Variants in ATP2B1 observed in about 807,000 individuals in gnomAD.
ATP2B1 encodes ATPase plasma membrane Ca2+ transporting 1.
Under a neutral mutation model 124.2 loss-of-function variants are expected in ATP2B1, and 14 were observed. The ratio of observed to expected loss-of-function variants is 0.11; its 90% CI spans 0.07 to 0.18. The LOEUF (loss-of-function observed/expected upper bound fraction) is 0.18, where lower values mean the gene tolerates loss of function less well. Among genes scored for constraint, ATP2B1 ranks in the 10% least tolerant of loss-of-function variants. ATP2B1 has a pLI of 1.00. For synonymous variants in ATP2B1, 449 were observed against 492.4 expected (o/e 0.91, Z 1.17); for missense variants, 763 against 1,466.1 (o/e 0.52, Z 7.83).
chr12:89,664,201 G>A (rs983765878), intron 1 of ATP2B1, among the ~76,000 whole-genome samples: 2 of 152,104 alleles, frequency 1.3e-5, no homozygotes, highest in African/African-American at 4.8e-5. Flanking sequence ...ACACCCTTTA[G>A]TCTATAAAGA....
intron 4 of ATP2B1, 37 bp downstream of exon 4, chr12:89,634,960 T>C: frequency 1.2e-6 from 2 of 1,610,872 alleles, no homozygotes; most frequent in Non-Finnish European, 1.7e-6. Flanking sequence ...TAATTTTATG[T>C]TTAGTGTCAG....
chr12:89,643,854 C>A lies in ATP2B1; in HGVS notation c.209-1499G>T, dbSNP rs1444436967. On this transcript the variant is annotated intron_variant, in intron 2 of 20. Transcript: ENST00000428670. ...CCTATAATCCCAACACTTTGGGAGG[C>A]CAAGGCAGGCAGATCACCTGAGGTT... is the stretch of plus-strand genomic sequence containing the variant. 3.3e-5 allele frequency among the ~76,000 whole-genome samples: 5 copies of A among 152,140 alleles called. No homozygotes were observed. In the East Asian group the frequency reaches 9.6e-4, roughly 29 times the overall value.
At position 89,603,978 on chromosome 12, in the gene ATP2B1, A is replaced by C. The variant is rs1163895454; in HGVS notation, c.2635-53T>G. 1.9e-6 allele frequency: 3 copies of C among 1,556,540 alleles called. No homozygotes were observed. Among genetic ancestry groups the C allele is most frequent in the Non-Finnish European group, 2.6e-6 (3 of 1,142,786 alleles). The stretch of plus-strand genomic sequence containing the variant: ...ATTCACAACTACTCAGGGGCTCAGC[A>C]ATTCTCAGGAAACCTTTAGGGTTTA... On this transcript the variant is annotated intron_variant, in intron 16 of 20. Transcript: ENST00000428670. The surrounding 1 kb of genome is among the most constrained non-coding windows in gnomAD (Gnocchi z 4.3).
chr12:89,655,506 G>GT, intron 2 of ATP2B1, 173 bp downstream of exon 2: 3 of 637,316 alleles, frequency 4.7e-6, no homozygotes, highest in Non-Finnish European at 8.0e-6. Flanking sequence ...ACATTTATGT[G>GT]TTAATATAAA....
chr12:89,693,551 T>C (rs1187379213), intron 1 of ATP2B1, among the ~76,000 whole-genome samples: 1 of 152,140 alleles, frequency 6.6e-6, no homozygotes, highest in Non-Finnish European at 1.5e-5. Flanking sequence ...GCCGTTGCTT[T>C]TTAACCAAAT....
chr12:89,604,347 C>T lies in ATP2B1; in HGVS notation c.2443-1G>A. On this transcript the variant is annotated splice_acceptor_variant, in intron 15 of 20. Coordinates refer to ENST00000428670, the MANE Select transcript of ATP2B1 (RefSeq NM_001366521.1). LOFTEE classifies it high-confidence loss of function. ...TAGCTACATCAGTTCCAGCAATACC[C>T]TGTTAAAAAAAATTTTGTGAATTAG... 1 of 1,575,072 alleles carries T rather than the reference C, an allele frequency of 6.3e-7. No homozygotes were observed.
At chr12:89,675,029 G>A (rs1330849104) in intron 1 of ATP2B1, among the ~76,000 whole-genome samples, 1 of 152,118 alleles carries the variant, frequency 6.6e-6, no homozygotes, top group Non-Finnish European at 1.5e-5. Flanking sequence ...GCTCTTACAG[G>A]TATTTCAGAA....
At chr12:89,610,392 A>C in intron 14 of ATP2B1, 29 bp downstream of exon 14, 2 of 1,569,236 alleles carry the variant, frequency 1.3e-6, no homozygotes, top group Non-Finnish European at 1.8e-6. Flanking sequence ...GTATTAAGAA[A>C]TTGTGAAATA....
In ATP2B1 at chr12:89,589,957, TTCAC is replaced by T. The variant is rs1448673415; in HGVS notation, c.*1023_*1026del. 1 of 152,512 alleles carries T rather than the reference TTCAC, an allele frequency of 6.6e-6. No homozygotes were observed. The highest frequency in any genetic ancestry group is 2.4e-5 in the African/African-American group (1 of 41,428). 9.4% of individuals were successfully genotyped at this position (152,512 alleles called of 1,614,324 possible). A position where few individuals can be genotyped will look rare whatever the true frequency, so the allele number is the denominator to read the frequency against. ...CTAAAGATTAGAAAAATCAATACAG[TTCAC>T]TCACAGTTCACCAAGACATCACTAA... On this transcript the variant is annotated 3_prime_UTR_variant, in exon 21 of 21. Coordinates refer to ENST00000428670, the MANE Select transcript of ATP2B1 (RefSeq NM_001366521.1).
intron 1 of ATP2B1, among the ~76,000 whole-genome samples, chr12:89,687,628 C>G (rs187858498): frequency 2.8e-4 from 42 of 151,990 alleles, no homozygotes; most frequent in African/African-American, 1.0e-3. Context: ...GTCAAATCAC[C>G]TAGTGTCTTT....
At chr12:89,608,030 TAAAA>T (rs56394845) in intron 15 of ATP2B1, among the ~76,000 whole-genome samples, 10 of 147,892 alleles carry the variant, frequency 6.8e-5, no homozygotes, top group Non-Finnish European at 7.5e-5. Flanking sequence ...TTCTTGTAAC[TAAAA>T]AAAAAACTCT....
At position 89,662,017 on chromosome 12, in the gene ATP2B1, C is replaced by T. The variant is rs1592904544; in HGVS notation, c.-221-5910G>A. ...TCCTATAGAAGGTTTGGATAGTATA[C>T]CACATAATTGAGCCTAAATTTATGG... On this transcript the variant is annotated intron_variant, in intron 1 of 20. Coordinates refer to ENST00000428670, the MANE Select transcript of ATP2B1 (RefSeq NM_001366521.1). Among the ~76,000 whole-genome samples, 3 of 152,122 alleles carry T rather than the reference C, an allele frequency of 2.0e-5. No homozygotes were observed. The South Asian group carries it at 6.2e-4, about 32-fold the overall frequency.
chr12:89,651,620 AATTTTTTTC>A (rs1485213472), intron 2 of ATP2B1, among the ~76,000 whole-genome samples: 3 of 152,102 alleles, frequency 2.0e-5, no homozygotes. Flanking sequence ...CTTAAACCAA[AATTTTTTTC>A]ACCATGTAAT....
chr12:89,705,197 T>C (rs1892312143), intron 1 of ATP2B1, among the ~76,000 whole-genome samples: 1 of 152,176 alleles, frequency 6.6e-6, no homozygotes, highest in African/African-American at 2.4e-5. Flanking sequence ...TTTATCTTTA[T>C]GAAAATTATT....
rs371640664 is a variant in ATP2B1, at chr12:89,590,824, CT to C, written c.*159del. 40,802 of 618,498 alleles carry C rather than the reference CT, an allele frequency of 0.066. No homozygotes were observed. The highest frequency in any genetic ancestry group is 0.084 in the East Asian group (2,119 of 25,118). 38.3% of individuals were successfully genotyped at this position (618,498 alleles called of 1,614,324 possible). ...ACCCTCAGTCTGGCAGAAAGCTTTG[CT>C]TTTTTTTTTTTAAAAAAATAAATCT... On this transcript the variant is annotated 3_prime_UTR_variant, in exon 21 of 21. Coordinates refer to ENST00000428670, the MANE Select transcript of ATP2B1 (RefSeq NM_001366521.1).
At chr12:89,639,498 T>C (rs1883187897) in intron 3 of ATP2B1, among the ~76,000 whole-genome samples, 1 of 151,648 alleles carries the variant, frequency 6.6e-6, no homozygotes, top group African/African-American at 2.4e-5. Context: ...AGTGAGACTC[T>C]GTCTCAATAT....
Position 89,658,598 on chromosome 12 carries a change from G to GGAGAGAGAGAGAGAGAGA in ATP2B1, c.-221-2509_-221-2492dup, listed in dbSNP as rs67298800. On this transcript the variant is annotated intron_variant, in intron 1 of 20. Coordinates refer to ENST00000428670, the MANE Select transcript of ATP2B1 (RefSeq NM_001366521.1). ...AGAATTCAAACAGAGAATTCAAACA[G>GGAGAGAGAGAGAGAGAGA]GAGAGAGAGAGAGAGAGAGAGAGAG... Among the ~76,000 whole-genome samples, 283 of 69,584 alleles carry GGAGAGAGAGAGAGAGAGA rather than the reference G, an allele frequency of 4.1e-3. 19 individuals are homozygous for GGAGAGAGAGAGAGAGAGA. The highest frequency in any genetic ancestry group is 7.2e-3 in the South Asian group (11 of 1,522). The allele number at this position is 69,584 out of a possible 152,430, so 45.6% of individuals were successfully genotyped here.
intron 2 of ATP2B1, among the ~76,000 whole-genome samples, chr12:89,643,366 T>A (rs1032357883): frequency 2.0e-5 from 3 of 152,130 alleles, no homozygotes; most frequent in Non-Finnish European, 4.4e-5. Flanking sequence ...TCTCATTTGC[T>A]GAGTAACAGT....
chr12:89,599,071 A>G (rs1875270728), intron 20 of ATP2B1, 46 bp downstream of exon 20: 1 of 1,577,868 alleles, frequency 6.3e-7, no homozygotes. Flanking sequence ...CAGGTCAAAA[A>G]GCCCTGGCTC....
Sources: allele counts gnomAD v4.1 joint callset (sites outside exome capture counted in the v4.1 genomes callset), GRCh38; gene constraint gnomAD v4.1.1; non-coding constraint Gnocchi (gnomAD v3.1); transcripts MANE v1.5; gene names NCBI Gene and HGNC (gene_info 2026-07-23, HGNC 2026-07-21).